The following SRGAP3 variants were observed in gnomAD, a reference collection of about 807,000 sequenced individuals.
SRGAP3 encodes the protein SLIT-ROBO Rho GTPase activating protein 3, also known as SLIT-ROBO Rho GTPase-activating protein 3.
A neutral mutation model predicts 121.1 loss-of-function variants in SRGAP3; 39 were observed. The observed-to-expected ratio is 0.32, with a 90% confidence interval of 0.25 to 0.42. SRGAP3 has a LOEUF of 0.42. Ranked by LOEUF, SRGAP3 falls within the 10% of genes least tolerant of loss-of-function variation. The pLI is 1.00. For synonymous variants in SRGAP3, 601 were observed against 570.0 expected, an observed-to-expected ratio of 1.05 and a Z score of -0.77; for missense variants, 1,213 against 1,470.6, an observed-to-expected ratio of 0.82 and a Z score of 2.86.
intron 1 of SRGAP3, among the ~76,000 whole-genome samples, chr3:9,339,689 A>G (rs1955749573): frequency 6.6e-6 from 1 of 152,204 alleles, no homozygotes; most frequent in Non-Finnish European, 1.5e-5. Context: ...AAATGTTGAC[A>G]ACTAATTTCA....
At chr3:9,306,751 G>C (rs985333834) in intron 3 of SRGAP3, among the ~76,000 whole-genome samples, 3 of 152,024 alleles carry the variant, frequency 2.0e-5, no homozygotes, top group Admixed American at 2.0e-4. Context: ...TTTCTGAGGA[G>C]GAGGTCCTCT....
rs372267134 is a variant in SRGAP3, at chr3:8,985,774, G to A, written c.3045C>T (p.Thr1015=). 3.7e-6 allele frequency: 6 copies of A among 1,600,176 alleles called. No individual in the cohort carries two copies. The African/African-American group carries it at 5.3e-5, about 14-fold the overall frequency. ...VSSEPASPLH[T]IVIRDPDAAM... The stretch of plus-strand genomic sequence containing the variant: ...CGGCATCGGGGTCGCGGATGACGAT[G>A]GTGTGAAGGGGACTGGCGGGCTCCG... Residue 1015 remains threonine, a synonymous_variant, in exon 22 of 22, where the codon ACC becomes ACT. Transcript: ENST00000383836. This position sits in a 1 kb window ranked among gnomAD's most constrained non-coding sequence, Gnocchi z 5.1.
chr3:9,061,675 C>T (rs1252507267), intron 5 of SRGAP3, among the ~76,000 whole-genome samples: 1 of 152,168 alleles, frequency 6.6e-6, no homozygotes, highest in South Asian at 2.1e-4. Flanking sequence ...AGGTCTGGAG[C>T]GCCCAGAACT....
intron 2 of SRGAP3, among the ~76,000 whole-genome samples, chr3:9,114,768 G>A (rs1219595839): frequency 2.0e-5 from 3 of 152,232 alleles, no homozygotes; most frequent in Admixed American, 6.5e-5. Flanking sequence ...TGTGGCATGT[G>A]TAGCACTAGG....
intron 7 of SRGAP3, among the ~76,000 whole-genome samples, chr3:9,057,666 G>A (rs1270803823): frequency 6.6e-6 from 1 of 152,246 alleles, no homozygotes; most frequent in African/African-American, 2.4e-5. Flanking sequence ...CAGTGACACA[G>A]ACAAGCTCAG....
chr3:9,166,475 T>G (rs1288961064), intron 1 of SRGAP3, among the ~76,000 whole-genome samples: 3 of 152,112 alleles, frequency 2.0e-5, no homozygotes, highest in Admixed American at 2.0e-4. Flanking sequence ...AGGATGCCCA[T>G]GTGACTAAGA....
At chr3:9,190,972 C>A (rs1951735341) in intron 1 of SRGAP3, among the ~76,000 whole-genome samples, 1 of 152,194 alleles carries the variant, frequency 6.6e-6, no homozygotes, top group East Asian at 1.9e-4. Flanking sequence ...AAAGTTCCTT[C>A]AAGTTCTGGC....
chr3:9,111,397 C>T (rs1948617239), intron 2 of SRGAP3, among the ~76,000 whole-genome samples: 1 of 152,196 alleles, frequency 6.6e-6, no homozygotes, highest in Non-Finnish European at 1.5e-5. Flanking sequence ...CGGGAGAAGG[C>T]TCTAGGCAGA....
intron 19 of SRGAP3, 27 bp downstream of exon 19, chr3:8,994,316 C>A (rs1942254789): frequency 6.2e-7 from 1 of 1,613,376 alleles, no homozygotes; most frequent in Non-Finnish European, 8.5e-7. Context: ...TTTCGGCATT[C>A]TTCACAGAAT....
In SRGAP3 at chr3:8,990,912, A is replaced by G. The variant is rs945787904; in HGVS notation, c.2559-73T>C. On this transcript the variant is annotated intron_variant, in intron 20 of 21. Coordinates refer to ENST00000383836, the MANE Select transcript of SRGAP3 (RefSeq NM_014850.4). ...GGCAAGTCTCAGAATGGGTGAGTCA[A>G]CCCCATGCCACACACTACACGCTAG... 14 of 1,297,950 alleles carry G rather than the reference A, an allele frequency of 1.1e-5. No homozygotes were observed. In the East Asian group the frequency reaches 3.2e-4, roughly 30 times the overall value. 80.4% of individuals were successfully genotyped at this position (1,297,950 alleles called of 1,614,324 possible).
At chr3:9,343,868 C>T (rs914965612) in intron 1 of SRGAP3, among the ~76,000 whole-genome samples, 6 of 152,108 alleles carry the variant, frequency 3.9e-5, no homozygotes. Context: ...AGGGTTTTGC[C>T]ATGTTGCCCA....
chr3:9,034,110 C>G (rs1944632971), intron 11 of SRGAP3: 1 of 152,252 alleles, frequency 6.6e-6, no homozygotes, highest in Admixed American at 6.5e-5. Context: ...GGACCCGTTT[C>G]CAGAATTGCT....
At chr3:9,337,086 C>CA (rs1955706274) in intron 1 of SRGAP3, among the ~76,000 whole-genome samples, 2 of 152,150 alleles carry the variant, frequency 1.3e-5, no homozygotes, top group South Asian at 4.1e-4. Context: ...TGAGCCCTTG[C>CA]AAAAAGGCAG....
Position 8,982,043 on chromosome 3 carries a change from GGACGGGGA to G in SRGAP3, c.*3468_*3475del. The G allele has an allele frequency of 4.4e-6, 1 of 226,190 alleles. No homozygotes were observed. The allele number at this position is 226,190 out of a possible 1,614,324, so 14.0% of individuals were successfully genotyped here. ...TTTAAGAGGAAAAGGGAATAAAAGG[GGACGGGGA>G]GAGTGGGGTAGGAAGCACAGCTTGT... On this transcript the variant is annotated 3_prime_UTR_variant, in exon 22 of 22. Transcript: ENST00000383836.
intron 3 of SRGAP3, among the ~76,000 whole-genome samples, chr3:9,094,575 T>A (rs952463226): frequency 1.3e-5 from 2 of 152,186 alleles, no homozygotes; most frequent in African/African-American, 4.8e-5. Flanking sequence ...GAGCTGGACT[T>A]ATTTACATGT....
intron 3 of SRGAP3, among the ~76,000 whole-genome samples, chr3:9,273,095 C>T (rs1954510548): frequency 6.6e-6 from 1 of 152,138 alleles, no homozygotes; most frequent in Admixed American, 6.5e-5. Context: ...TTAAACTGTT[C>T]CACCTCAGAT....
intron 1 of SRGAP3, among the ~76,000 whole-genome samples, chr3:9,159,588 A>C (rs1950538831): frequency 6.6e-6 from 1 of 152,238 alleles, no homozygotes; most frequent in Admixed American, 6.5e-5. Flanking sequence ...GTTTTAAACA[A>C]TTTTGTGTTT....
chr3:9,322,783 T>C (rs1559276890), intron 3 of SRGAP3, among the ~76,000 whole-genome samples: 1 of 151,818 alleles, frequency 6.6e-6, no homozygotes, highest in Admixed American at 6.5e-5. Context: ...TCTTAATAGA[T>C]TAAAACAAGT....
At chr3:9,010,490 A>G in intron 17 of SRGAP3, 103 bp from the exon 18 acceptor site, 2 of 1,249,366 alleles carry the variant, frequency 1.6e-6, no homozygotes, top group Non-Finnish European at 2.3e-6. Context: ...GCCCTCCCGC[A>G]GCTCAGATGC....
Sources: allele counts gnomAD v4.1 joint callset (sites outside exome capture counted in the v4.1 genomes callset), GRCh38; gene constraint gnomAD v4.1.1; non-coding constraint Gnocchi (gnomAD v3.1); transcripts MANE v1.5; gene names NCBI Gene and HGNC (gene_info 2026-07-23, HGNC 2026-07-21).